Variants in CBLL1 observed in about 807,000 individuals in gnomAD.
CBLL1 encodes Cbl proto-oncogene like 1.
CBLL1 carries 4 observed loss-of-function variants against 44.9 expected under a neutral mutation model. That is an observed-to-expected ratio of 0.09 (90% CI 0.04 to 0.20). CBLL1 has a LOEUF of 0.20. Ranked by LOEUF, CBLL1 falls within the 10% of genes least tolerant of loss-of-function variation. CBLL1 has a pLI of 1.00. For missense variants in CBLL1, 569 were observed against 636.7 expected (o/e 0.89, Z 1.14); for synonymous variants, 235 against 202.2 (o/e 1.16, Z -1.38).
chr7:107,756,983 C>T (rs956707581), intron 5 of CBLL1, among the ~76,000 whole-genome samples: 1 of 152,042 alleles, frequency 6.6e-6, no homozygotes, highest in Non-Finnish European at 1.5e-5. Flanking sequence ...GGAGATAGTT[C>T]GGAGTTTACA....
Position 107,760,108 on chromosome 7 carries a change from T to C in CBLL1, c.*930T>C, listed in dbSNP as rs1206199569. 6.6e-6 allele frequency: 1 copy of C among 152,320 alleles called. No homozygotes were observed. The highest frequency in any genetic ancestry group is 2.4e-5 in the African/African-American group (1 of 41,458). The allele number at this position is 152,320 out of a possible 1,614,324, so 9.4% of individuals were successfully genotyped here. A position where few individuals can be genotyped will look rare whatever the true frequency, so the allele number is the denominator to read the frequency against. ...AATGTGTTCTGTTTTGTTCATTGTC[T>C]TAAACTGAATAGGGCTGAATAGGCT... On this transcript the variant is annotated 3_prime_UTR_variant, in exon 6 of 6. Coordinates refer to ENST00000440859, the MANE Select transcript of CBLL1 (RefSeq NM_024814.4).
chr7:107,759,040 A>G lies in CBLL1; in HGVS notation c.1338A>G (p.Pro446=), dbSNP rs1157016835. The change falls in exon 6 of 6, where the codon CCA becomes CCG. Residue 446 remains proline, a synonymous_variant. Transcript: ENST00000440859. ...QGTLSPPFTQ[P]GGMSPGIWPA... is the part of the protein sequence containing the mutation. ...CTCTGAGCCCTCCATTTACACAACCAGGGGGAATGAGTCCTGGTATATGGC... is the reference window on the plus strand; with the variant it reads ...CTCTGAGCCCTCCATTTACACAACCGGGGGGAATGAGTCCTGGTATATGGC... The G allele has an allele frequency of 3.1e-6, 5 of 1,613,850 alleles. No individual in the cohort carries two copies. In the South Asian group the frequency reaches 3.3e-5, roughly 11 times the overall value.
At chr7:107,746,365 C>T (rs10274201) in intron 1 of CBLL1, among the ~76,000 whole-genome samples, 65,169 of 152,006 alleles carry the variant, frequency 0.43, 14,155 homozygotes, top group East Asian at 0.62. Context: ...AATTAGTTCC[C>T]TCTCAGATGT....
chr7:107,746,153 G>A (rs545124142), intron 1 of CBLL1, among the ~76,000 whole-genome samples: 2 of 152,244 alleles, frequency 1.3e-5, no homozygotes, highest in Admixed American at 1.3e-4. Context: ...TCAACTTTAG[G>A]AAAGTAATTC....
In CBLL1 at chr7:107,760,127, A is replaced by G. The variant is rs1415084425; in HGVS notation, c.*949A>G. On this transcript the variant is annotated 3_prime_UTR_variant, in exon 6 of 6. Transcript: ENST00000440859. ...ATTGTCTTAAACTGAATAGGGCTGA[A>G]TAGGCTTTATGTAATTCTTCATTTC... 6.6e-6 allele frequency: 1 copy of G among 152,272 alleles called. No individual in the cohort carries two copies. Among genetic ancestry groups the G allele is most frequent in the African/African-American group, 2.4e-5 (1 of 41,450 alleles). 9.4% of individuals were successfully genotyped at this position (152,272 alleles called of 1,614,324 possible).
intron 4 of CBLL1, 194 bp downstream of exon 4, chr7:107,754,172 T>C (rs894719482): frequency 6.7e-5 from 23 of 340,986 alleles, no homozygotes; most frequent in African/African-American, 4.0e-4. Flanking sequence ...TCTTATAAAA[T>C]ATTAAATAAA....
chr7:107,755,688 CA>C (rs2115691236), intron 5 of CBLL1, 197 bp downstream of exon 5: 1 of 331,946 alleles, frequency 3.0e-6, no homozygotes, highest in African/African-American at 2.1e-5. Context: ...TCAGTCAACT[CA>C]AATTGGTCAA....
chr7:107,755,367 A>T, intron 4 of CBLL1, 51 bp from the exon 5 acceptor site: 3 of 1,017,896 alleles, frequency 2.9e-6, no homozygotes, highest in Non-Finnish European at 4.1e-6. Context: ...ATATATTTTA[A>T]AAATATTATA....
intron 1 of CBLL1, among the ~76,000 whole-genome samples, chr7:107,747,389 C>T (rs1040698353): frequency 7.9e-5 from 12 of 152,190 alleles, no homozygotes; most frequent in African/African-American, 2.9e-4. Flanking sequence ...CAGCATTGAA[C>T]TGATTATATG....
In CBLL1 at chr7:107,758,102, T is replaced by G; in HGVS notation, c.441-41T>G. Reference sequence around the variant, plus strand: ...TTTGAAAATTACATAATTTTTTGTATTCTCTTTTAGTAAATCACATTTCTT... The same window carrying G: ...TTTGAAAATTACATAATTTTTTGTAGTCTCTTTTAGTAAATCACATTTCTT... On this transcript the variant is annotated intron_variant, in intron 5 of 5. Coordinates refer to ENST00000440859, the MANE Select transcript of CBLL1 (RefSeq NM_024814.4). This position sits in a 1 kb window ranked among gnomAD's most constrained non-coding sequence, Gnocchi z 4.2. 6.6e-7 allele frequency: 1 copy of G among 1,508,106 alleles called. No homozygotes were observed. Among genetic ancestry groups the G allele is most frequent in the Non-Finnish European group, 8.9e-7 (1 of 1,123,478 alleles). The allele number at this position is 1,508,106 out of a possible 1,614,324, so 93.4% of individuals were successfully genotyped here. A position where few individuals can be genotyped will look rare whatever the true frequency, so the allele number is the denominator to read the frequency against.
chr7:107,758,017 T>C lies in CBLL1; in HGVS notation c.441-126T>C. 1.2e-6 allele frequency: 1 copy of C among 852,574 alleles called. No individual in the cohort carries two copies. Among genetic ancestry groups the C allele is most frequent in the Non-Finnish European group, 1.8e-6 (1 of 566,238 alleles). 52.8% of individuals were successfully genotyped at this position (852,574 alleles called of 1,614,324 possible). ...AGGTTTGCGTAGAATAACTGTAACT[T>C]CTAATTGTGGACTTTTGCTATGTTT... On this transcript the variant is annotated intron_variant, in intron 5 of 5. Coordinates refer to ENST00000440859, the MANE Select transcript of CBLL1 (RefSeq NM_024814.4). The surrounding 1 kb of genome is among the most constrained non-coding windows in gnomAD (Gnocchi z 4.2).
At chr7:107,752,091 C>G (rs1364454066) in intron 2 of CBLL1, among the ~76,000 whole-genome samples, 1 of 150,306 alleles carries the variant, frequency 6.7e-6, no homozygotes, top group Non-Finnish European at 1.5e-5. Context: ...CCCAGCTACT[C>G]GGGAGGCCGA....
intron 2 of CBLL1, among the ~76,000 whole-genome samples, chr7:107,752,041 T>C (rs747407802): frequency 1.6e-4 from 25 of 151,638 alleles, no homozygotes; most frequent in Non-Finnish European, 3.2e-4. Context: ...CTACTAAAAA[T>C]ACAAAAAATT....
At position 107,760,025 on chromosome 7, in the gene CBLL1, T is replaced by G. The variant is rs993898967; in HGVS notation, c.*847T>G. On this transcript the variant is annotated 3_prime_UTR_variant, in exon 6 of 6. Transcript: ENST00000440859. Reference sequence around the variant, plus strand: ...ACATATGCACCACACATACTGATCTTAAGTAACATTATTTTATAGAACTGT... The same window carrying G: ...ACATATGCACCACACATACTGATCTGAAGTAACATTATTTTATAGAACTGT... 6.6e-6 allele frequency: 1 copy of G among 152,416 alleles called. No homozygotes were observed. The highest frequency in any genetic ancestry group is 3.4e-3 in the Middle Eastern group (1 of 294). The allele number at this position is 152,416 out of a possible 1,614,324, so 9.4% of individuals were successfully genotyped here.
At chr7:107,755,539 C>A in intron 5 of CBLL1, 48 bp downstream of exon 5, 3 of 1,099,488 alleles carry the variant, frequency 2.7e-6, no homozygotes, top group South Asian at 1.7e-5. Context: ...AGTTTTAGTG[C>A]AATGATTTAT....
intron 5 of CBLL1, among the ~76,000 whole-genome samples, chr7:107,756,300 C>T (rs1456273489): frequency 1.3e-5 from 2 of 152,128 alleles, no homozygotes; most frequent in Non-Finnish European, 2.9e-5. Context: ...GCTGTGGACA[C>T]TTGTCAGCAA....
rs1282658945 is a variant in CBLL1, at chr7:107,759,282, T to C, written c.*104T>C. On this transcript the variant is annotated 3_prime_UTR_variant, in exon 6 of 6. Coordinates refer to ENST00000440859, the MANE Select transcript of CBLL1 (RefSeq NM_024814.4). ...GAAGGAAGAGTACCTCTTATCGAGG[T>C]AGTATAAAACACATAGGGTCTTGTT... The C allele has an allele frequency of 1.9e-6, 2 of 1,026,728 alleles. No homozygotes were observed. Among genetic ancestry groups the C allele is most frequent in the Non-Finnish European group, 2.8e-6 (2 of 707,546 alleles). The allele number at this position is 1,026,728 out of a possible 1,614,324, so 63.6% of individuals were successfully genotyped here. A position where few individuals can be genotyped will look rare whatever the true frequency, so the allele number is the denominator to read the frequency against.
chr7:107,761,181 GCTT>G lies in CBLL1; in HGVS notation c.*2006_*2008del, dbSNP rs1793744678. On this transcript the variant is annotated 3_prime_UTR_variant, in exon 6 of 6. Transcript: ENST00000440859. ...AGAAAATAGCCAAAATCACTTTAGA[GCTT>G]CTCAACTATTTATGAAGAGCTATCC... 6.6e-6 allele frequency: 1 copy of G among 152,170 alleles called. No homozygotes were observed. The highest frequency in any genetic ancestry group is 1.5e-5 in the Non-Finnish European group (1 of 67,910). 9.4% of individuals were successfully genotyped at this position (152,170 alleles called of 1,614,324 possible).
chr7:107,758,904 ATCC>A lies in CBLL1; in HGVS notation c.1209_1211del (p.Pro404del). The A allele has an allele frequency of 2.5e-6, 4 of 1,613,802 alleles. No homozygotes were observed. The highest frequency in any genetic ancestry group is 3.3e-5 in the Admixed American group (2 of 59,970). On this transcript the variant is annotated inframe_deletion, in exon 6 of 6. Transcript: ENST00000440859. The surrounding 1 kb of genome is among the most constrained non-coding windows in gnomAD (Gnocchi z 4.2). ...GCCCAGATGCCACCTTATATGAATCATCCTCCTCCAGGACCTCCCCCACCTCAA... is the reference window on the plus strand; with the variant it reads ...GCCCAGATGCCACCTTATATGAATCATCCTCCAGGACCTCCCCCACCTCAA...
Sources: gnomAD v4.1 joint callset for allele counts (sites outside exome capture counted in the v4.1 genomes callset) on GRCh38, gnomAD v4.1.1 for gene constraint, Gnocchi (gnomAD v3.1) non-coding constraint, MANE v1.5 for transcripts, NCBI Gene and HGNC (gene_info 2026-07-23, HGNC 2026-07-21) for gene names.